The following NEUROD1 variants were observed in gnomAD, a reference collection of about 807,000 sequenced individuals.
The protein encoded by NEUROD1 is neurogenic differentiation factor 1.
In NEUROD1, 9 loss-of-function variants were observed where a neutral mutation model predicts 21.8. The ratio of observed to expected loss-of-function variants is 0.41; its 90% CI spans 0.25 to 0.72. NEUROD1 has a LOEUF of 0.72. Ranked by LOEUF, NEUROD1 falls within the 30% of genes least tolerant of loss-of-function variation. The pLI is 0.31. For missense variants in NEUROD1, 434 were observed against 468.8 expected (o/e 0.93, Z 0.69); for synonymous variants, 199 against 186.2 (o/e 1.07, Z -0.56).
At chr2:181,673,674 G>T (rs1425917452), downstream of NEUROD1, 1 of 152,172 alleles carries the variant, frequency 6.6e-6, no homozygotes, top group Non-Finnish European at 1.5e-5. Flanking sequence ...TTTCCCATTA[G>T]GAGAAAATTA....
At position 181,679,059 on chromosome 2, in the gene NEUROD1, C is replaced by A. The variant is rs76684485; in HGVS notation, c.-11-188G>T. 7.3e-3 allele frequency among the ~76,000 whole-genome samples: 1,114 copies of A among 152,254 alleles called. 8 individuals carry two copies. The highest frequency in any genetic ancestry group is 0.025 in the African/African-American group (1,053 of 41,526). On this transcript the variant is annotated intron_variant, in intron 1 of 1. Coordinates refer to ENST00000295108, the MANE Select transcript of NEUROD1 (RefSeq NM_002500.5). ...TGTTTTATAATGGCGCGTGCGTGTG[C>A]CCCGCTAGTACGTAGGAGTGAGGAC...
downstream of NEUROD1, among the ~76,000 whole-genome samples, chr2:181,674,839 T>C (rs1688545125): frequency 6.6e-6 from 1 of 152,172 alleles, no homozygotes; most frequent in African/African-American, 2.4e-5. Flanking sequence ...TTAGTCTTCA[T>C]TTCTACCTTA....
downstream of NEUROD1, among the ~76,000 whole-genome samples, chr2:181,674,147 A>G (rs1688532736): frequency 6.6e-6 from 1 of 152,146 alleles, no homozygotes; most frequent in African/African-American, 2.4e-5. Context: ...TCTTTATGAA[A>G]TTTCCCCCTG....
downstream of NEUROD1, among the ~76,000 whole-genome samples, chr2:181,671,979 A>G (rs1688506178): frequency 6.6e-6 from 1 of 152,208 alleles, no homozygotes; most frequent in Admixed American, 6.5e-5. Flanking sequence ...AAGTTTATAC[A>G]CTGAACCCTT....
chr2:181,669,810 C>T (rs1198807146), downstream of NEUROD1, among the ~76,000 whole-genome samples: 1 of 152,144 alleles, frequency 6.6e-6, no homozygotes, highest in Admixed American at 6.5e-5. Flanking sequence ...AAAACCAAAA[C>T]TTATAATGAA....
downstream of NEUROD1, among the ~76,000 whole-genome samples, chr2:181,674,580 C>T (rs187533569): frequency 2.6e-5 from 4 of 152,244 alleles, no homozygotes; most frequent in East Asian, 7.7e-4. Flanking sequence ...GACATTGGCA[C>T]TGGTTCTGTG....
downstream of NEUROD1, among the ~76,000 whole-genome samples, chr2:181,675,724 A>T (rs894588822): frequency 1.1e-4 from 17 of 152,226 alleles, no homozygotes; most frequent in Admixed American, 3.3e-4. Flanking sequence ...TGTGTTCATG[A>T]AACAACAGAA....
chr2:181,674,778 G>T (rs908851026), downstream of NEUROD1, among the ~76,000 whole-genome samples: 44 of 148,518 alleles, frequency 3.0e-4, no homozygotes, highest in African/African-American at 1.0e-3. Flanking sequence ...CTATGTTTTA[G>T]AATGAAGTTG....
exon 2 of NEUROD1, among the ~76,000 whole-genome samples, chr2:181,671,437 A>AT (rs201954189): frequency 1.8e-3 from 273 of 149,244 alleles, no homozygotes; most frequent in African/African-American, 3.2e-3. Context: ...ATCTCAAATC[A>AT]TTTTTTTTTT....
chr2:181,678,067 G>T lies in NEUROD1; in HGVS notation c.794C>A (p.Thr265Asn), dbSNP rs1029071008. ...GAGGGGTCCATCAAAGGAAGGGCTG[G>T]TGCAATCAGTCAGAGGGCTTTCAAA... ...PFFESPLTDC[T>N]SPSFDGPLSP... The change falls in exon 2 of 2, where the codon ACC (threonine) becomes AAC (asparagine). Residue 265 changes from threonine (T) to asparagine (N), a missense_variant. Coordinates refer to ENST00000295108, the MANE Select transcript of NEUROD1 (RefSeq NM_002500.5). This position sits in a 1 kb window ranked among gnomAD's most constrained non-coding sequence, Gnocchi z 5.5. The T allele has an allele frequency of 1.2e-6, 2 of 1,614,204 alleles. No individual in the cohort carries two copies. The highest frequency in any genetic ancestry group is 1.7e-6 in the Non-Finnish European group (2 of 1,180,042).
chr2:181,677,659 C>T lies in NEUROD1; in HGVS notation c.*131G>A. On this transcript the variant is annotated 3_prime_UTR_variant, in exon 2 of 2. Coordinates refer to ENST00000295108, the MANE Select transcript of NEUROD1 (RefSeq NM_002500.5). ...CCAAAGGCAGTAATGACAATAAATA[C>T]ATATATCACTTGAAGCTTGGAGTAT... The T allele has an allele frequency of 2.6e-6, 4 of 1,526,138 alleles. No individual in the cohort carries two copies. The highest frequency in any genetic ancestry group is 1.7e-5 in the Admixed American group (1 of 58,528). 94.5% of individuals were successfully genotyped at this position (1,526,138 alleles called of 1,614,324 possible).
At chr2:181,671,799 G>A (rs1352290565), downstream of NEUROD1, among the ~76,000 whole-genome samples, 1 of 151,944 alleles carries the variant, frequency 6.6e-6, no homozygotes, top group Non-Finnish European at 1.5e-5. Flanking sequence ...ACTTAGTCAC[G>A]TACCTGCTAT....
downstream of NEUROD1, among the ~76,000 whole-genome samples, chr2:181,669,937 A>G (rs902800356): frequency 6.6e-6 from 1 of 152,198 alleles, no homozygotes; most frequent in Non-Finnish European, 1.5e-5. Flanking sequence ...GCTCACCAGA[A>G]GAGTACTGGC....
chr2:181,671,414 G>A lies in NEUROD1; in HGVS notation n.2532C>T, dbSNP rs117305853. Among the ~76,000 whole-genome samples, 92 of 152,090 alleles carry A rather than the reference G, an allele frequency of 6.0e-4. 1 individual carries two copies. The East Asian group carries it at 6.4e-3, about 11-fold the overall frequency. On this transcript the variant is annotated non_coding_transcript_exon_variant, in exon 2 of 2. Coordinates refer to the NEUROD1 transcript ENST00000496876. ...AAAGATTATTCAGTTAACAAACAAT[G>A]ACAAGTGATGTTATCTCAAATCATT...
chr2:181,680,363 T>C (rs372049844), intron 1 of NEUROD1, 67 bp downstream of exon 1: 64 of 152,342 alleles, frequency 4.2e-4, no homozygotes, highest in African/African-American at 1.5e-3. Context: ...ATACAGAATA[T>C]GTAGGTTCAT....
Position 181,677,637 on chromosome 2 carries a change from A to C in NEUROD1, c.*153T>G. The C allele has an allele frequency of 7.3e-7, 1 of 1,367,732 alleles. No homozygotes were observed. 84.7% of individuals were successfully genotyped at this position (1,367,732 alleles called of 1,614,324 possible). A position where few individuals can be genotyped will look rare whatever the true frequency, so the allele number is the denominator to read the frequency against. The stretch of plus-strand genomic sequence containing the variant: ...GAACTTTGATCCCCTGTTTCTTCCA[A>C]AGGCAGTAATGACAATAAATACATA... On this transcript the variant is annotated 3_prime_UTR_variant, in exon 2 of 2. Coordinates refer to ENST00000295108, the MANE Select transcript of NEUROD1 (RefSeq NM_002500.5).
In NEUROD1 at chr2:181,678,476, G is replaced by A; in HGVS notation, c.385C>T (p.Pro129Ser). 1 of 1,614,198 alleles carries A rather than the reference G, an allele frequency of 6.2e-7. No individual in the cohort carries two copies. Among genetic ancestry groups the A allele is most frequent in the African/African-American group, 1.3e-5 (1 of 75,048 alleles). ...AGCTTCTGCGTCTTAGAATAGCAAG[G>A]CACCACCTTGCGCAGGTTGTCTAGC... ...AALDNLRKVV[P>S]CYSKTQKLSK... The change falls in exon 2 of 2, where the codon CCT (proline) becomes TCT (serine). Residue 129 changes from proline (P) to serine (S), a missense_variant. By Grantham distance (74) the Pro-to-Ser change is moderately conservative. Transcript: ENST00000295108. The surrounding 1 kb of genome is among the most constrained non-coding windows in gnomAD (Gnocchi z 5.5).
At chr2:181,675,156 CT>C (rs1490597712), downstream of NEUROD1, among the ~76,000 whole-genome samples, 3 of 152,196 alleles carry the variant, frequency 2.0e-5, no homozygotes, top group African/African-American at 7.2e-5. Context: ...AAAATAACAA[CT>C]CTGATTCACT....
chr2:181,678,504 C>A lies in NEUROD1; in HGVS notation c.357G>T (p.Ala119=). 6.2e-7 allele frequency: 1 copy of A among 1,614,230 alleles called. No individual in the cohort carries two copies. Among genetic ancestry groups the A allele is most frequent in the Non-Finnish European group, 8.5e-7 (1 of 1,180,048 alleles). Residue 119 remains alanine (A), a synonymous_variant, in exon 2 of 2, where the codon GCG becomes GCT. Coordinates refer to ENST00000295108, the MANE Select transcript of NEUROD1 (RefSeq NM_002500.5). This position sits in a 1 kb window ranked among gnomAD's most constrained non-coding sequence, Gnocchi z 5.5. ...CCACCTTGCGCAGGTTGTCTAGCGC[C>A]GCGTTCAGTCCGTGCATGCGGTTCC... ...RERNRMHGLN[A]ALDNLRKVVP...
Sources: gnomAD v4.1 joint callset for allele counts (sites outside exome capture counted in the v4.1 genomes callset) on GRCh38, gnomAD v4.1.1 for gene constraint, Gnocchi (gnomAD v3.1) non-coding constraint, MANE v1.5 for transcripts, NCBI Gene and HGNC (gene_info 2026-07-23, HGNC 2026-07-21) for gene names.